The following ACTR6 variants were observed in gnomAD, a reference collection of about 807,000 sequenced individuals.
The protein encoded by ACTR6 is actin related protein 6.
A neutral mutation model predicts 52.5 loss-of-function variants in ACTR6; 50 were observed. That is an observed-to-expected ratio of 0.95 (90% confidence interval 0.76 to 1.20). The LOEUF (loss-of-function observed/expected upper bound fraction) is 1.20, where lower values mean the gene tolerates loss of function less well. Ranked by LOEUF, ACTR6 falls within the 50% of genes most tolerant of loss-of-function variation. The probability of loss-of-function intolerance (pLI) is 0.00; values close to 1 mark genes in which losing one functional copy is unlikely to be tolerated. For synonymous variants in ACTR6, 135 were observed against 147.2 expected (o/e 0.92, Z 0.60); for missense variants, 344 against 472.4 (o/e 0.73, Z 2.52).
rs553936981 is a variant in ACTR6, at chr12:100,202,517, G to A, written c.68+1598G>A. On this transcript the variant is annotated intron_variant, in intron 1 of 10. Transcript: ENST00000188312. ...TACAGTATTATCCCAGTGTCATCTC[G>A]TATACACATACAGACACATTTGTAT... Among the ~76,000 whole-genome samples, 5 of 151,916 alleles carry A rather than the reference G, an allele frequency of 3.3e-5. No homozygotes were observed. In the East Asian group the frequency reaches 7.7e-4, roughly 23 times the overall value.
intron 1 of ACTR6, among the ~76,000 whole-genome samples, chr12:100,201,620 T>G (rs1432969886): frequency 6.6e-6 from 1 of 152,204 alleles, no homozygotes; most frequent in African/African-American, 2.4e-5. Flanking sequence ...ATGTAAATTG[T>G]TACAATCTTT....
In ACTR6 at chr12:100,205,714, G is replaced by T; in HGVS notation, c.225G>T (p.Trp75Cys). 6.6e-7 allele frequency: 1 copy of T among 1,516,972 alleles called. No homozygotes were observed. 94.0% of individuals were successfully genotyped at this position (1,516,972 alleles called of 1,614,324 possible). Residue 75 changes from tryptophan to cysteine, a missense_variant, in exon 3 of 11, where the codon TGG (tryptophan) becomes TGT (cysteine). Trp to Cys is a radical substitution (Grantham distance 215). Coordinates refer to ENST00000188312, the MANE Select transcript of ACTR6 (RefSeq NM_022496.5). ...LVNWDVQRQV[W>C]DYLFGKEMYQ... ...ATTGGGATGTTCAGAGACAAGTTTG[G>T]GATTACCTTTTTGGAAAAGAAATGT...
At chr12:100,201,169 G>A in intron 1 of ACTR6, 1 of 997,602 alleles carries the variant, frequency 1.0e-6, no homozygotes, top group East Asian at 3.8e-5. Flanking sequence ...AATAGCCAAA[G>A]AAAATAGGCT....
At chr12:100,216,256 A>G (rs1466932307) in intron 8 of ACTR6, among the ~76,000 whole-genome samples, 5 of 152,222 alleles carry the variant, frequency 3.3e-5, no homozygotes, top group Non-Finnish European at 5.9e-5. Flanking sequence ...CTCAGGCTCA[A>G]GTGATCCTCC....
chr12:100,205,001 C>T lies in ACTR6; in HGVS notation c.130C>T (p.Gln44Ter), dbSNP rs369354926. ...ACGTCTTAAAACTTTTACTGCCAAC[C>T]AGATAGATGAAATAAAAGACCCTTC... is the stretch of plus-strand genomic sequence containing the variant. ...TARLKTFTAN[Q>*]IDEIKDPSGL... The change falls in exon 2 of 11, where the codon CAG (glutamine) becomes TAG (stop). Residue 44 changes from glutamine (Q) to a stop codon, truncating the protein, a stop_gained. Coordinates refer to ENST00000188312, the MANE Select transcript of ACTR6 (RefSeq NM_022496.5). LOFTEE classifies it high-confidence loss of function. 1.6e-5 allele frequency: 25 copies of T among 1,612,534 alleles called. No homozygotes were observed. Among genetic ancestry groups the T allele is most frequent in the Non-Finnish European group, 2.0e-5 (24 of 1,179,034 alleles).
chr12:100,207,052 C>G (rs1007863193), intron 3 of ACTR6, among the ~76,000 whole-genome samples: 3 of 151,744 alleles, frequency 2.0e-5, no homozygotes, highest in Non-Finnish European at 4.4e-5. Context: ...CTATAATTGT[C>G]TTTAAACAAT....
At chr12:100,223,648 G>T in intron 10 of ACTR6, 138 bp from the exon 11 acceptor site, 1 of 997,786 alleles carries the variant, frequency 1.0e-6, no homozygotes, top group Non-Finnish European at 1.5e-6. Flanking sequence ...ATTTTCTGTT[G>T]GGTTGGGTAG....
Position 100,207,698 on chromosome 12 carries a change from A to G in ACTR6, c.291A>G (p.Glu97=). The G allele has an allele frequency of 6.3e-7, 1 of 1,578,896 alleles. No homozygotes were observed. ...DFLDTNIIIT[E]PYFNFTSIQE... is the part of the protein sequence containing the mutation. ...TAGATACTAATATTATTATCACTGA[A>G]CCATACTTTAACTTCACTTCAATTC... Residue 97 remains glutamate (E), a synonymous_variant, in exon 4 of 11, where the codon GAA becomes GAG. Transcript: ENST00000188312.
chr12:100,223,772 A>T lies in ACTR6; in HGVS notation c.1062-14A>T. The T allele has an allele frequency of 6.3e-7, 1 of 1,598,092 alleles. No homozygotes were observed. Among genetic ancestry groups the T allele is most frequent in the Non-Finnish European group, 8.5e-7 (1 of 1,175,512 alleles). ...TGTAAAATCATCTGGGTTCATTTAT[A>T]CCTTTATTTTCAGCCCTATTACTTA... is the stretch of plus-strand genomic sequence containing the variant. On this transcript the variant is annotated splice_polypyrimidine_tract_variant and intron_variant, in intron 10 of 10. Transcript: ENST00000188312.
Position 100,200,857 on chromosome 12 carries a change from G to C in ACTR6, c.6G>C (p.Thr2=). Residue 2 remains threonine, a synonymous_variant, in exon 1 of 11, where the codon ACG becomes ACC. Coordinates refer to ENST00000188312, the MANE Select transcript of ACTR6 (RefSeq NM_022496.5). ...GCGGTGTGGTTGGTGGTGAGATGAC[G>C]ACCTTAGTGCTGGATAATGGAGCTT... The part of the protein sequence containing the change: M[T]TLVLDNGAYN... 15 of 1,614,134 alleles carry C rather than the reference G, an allele frequency of 9.3e-6. No individual in the cohort carries two copies. Among genetic ancestry groups the C allele is most frequent in the Non-Finnish European group, 1.3e-5 (15 of 1,180,002 alleles).
chr12:100,206,890 G>C (rs938229300), intron 3 of ACTR6, among the ~76,000 whole-genome samples: 5 of 149,430 alleles, frequency 3.3e-5, no homozygotes, highest in African/African-American at 9.9e-5. Flanking sequence ...GTGTTGGCCA[G>C]GCTGGTCTGG....
intron 9 of ACTR6, 116 bp from the exon 10 acceptor site, chr12:100,219,892 C>G (rs2096126730): frequency 9.9e-7 from 1 of 1,009,324 alleles, no homozygotes; most frequent in Non-Finnish European, 1.4e-6. Flanking sequence ...GGTTTCCCAC[C>G]AGTAACTGTA....
At position 100,210,127 on chromosome 12, in the gene ACTR6, G is replaced by T. The variant is rs1566293554; in HGVS notation, c.434G>T (p.Cys145Phe). Residue 145 changes from cysteine (C) to phenylalanine (F), a missense_variant, in exon 5 of 11, where the codon TGT becomes TTT. Coordinates refer to ENST00000188312, the MANE Select transcript of ACTR6 (RefSeq NM_022496.5). ...CGAGATAATCCTTCCGAATTATGCT[G>T]TATCATTGTTGATAGTGGATATTCC... ...YFRDNPSELC[C>F]IIVDSGYSFT... 6.2e-7 allele frequency: 1 copy of T among 1,611,160 alleles called. No individual in the cohort carries two copies. Among genetic ancestry groups the T allele is most frequent in the Non-Finnish European group, 8.5e-7 (1 of 1,178,772 alleles).
intron 1 of ACTR6, among the ~76,000 whole-genome samples, chr12:100,203,271 G>T (rs892501607): frequency 5.3e-5 from 8 of 152,068 alleles, no homozygotes; most frequent in African/African-American, 1.9e-4. Context: ...ATAGCATCTT[G>T]CTGATTGAAG....
Position 100,210,072 on chromosome 12 carries a change from G to T in ACTR6, c.380-1G>T. On this transcript the variant is annotated splice_acceptor_variant, in intron 4 of 10. Transcript: ENST00000188312. LOFTEE classifies it high-confidence loss of function. Reference sequence around the variant, plus strand: ...TCACTTTTTTATCTTTTTTTAAATAGCTGGGGCTCTCAGTGCACATAGGTA... The same window carrying T: ...TCACTTTTTTATCTTTTTTTAAATATCTGGGGCTCTCAGTGCACATAGGTA... 4 of 1,566,944 alleles carry T rather than the reference G, an allele frequency of 2.6e-6. No homozygotes were observed. Among genetic ancestry groups the T allele is most frequent in the South Asian group, 1.2e-5 (1 of 82,540 alleles).
intron 1 of ACTR6, 41 bp from the exon 2 acceptor site, chr12:100,204,898 AC>A (rs752882205): frequency 7.5e-7 from 1 of 1,331,098 alleles, no homozygotes; most frequent in South Asian, 1.2e-5. Flanking sequence ...GTTTTTAGGA[AC>A]TAAATATTTA....
At position 100,204,933 on chromosome 12, in the gene ACTR6, T is replaced by G; in HGVS notation, c.69-7T>G. On this transcript the variant is annotated splice_region_variant and splice_polypyrimidine_tract_variant and intron_variant, in intron 1 of 10. Coordinates refer to ENST00000188312, the MANE Select transcript of ACTR6 (RefSeq NM_022496.5). Reference sequence around the variant, plus strand: ...TAGGGGATAATTATTTGTTTCCTTGTTTCTAGGGTTATTCCTAATTGTCAG... The same window carrying G: ...TAGGGGATAATTATTTGTTTCCTTGGTTCTAGGGTTATTCCTAATTGTCAG... 6.4e-7 allele frequency: 1 copy of G among 1,566,432 alleles called. No individual in the cohort carries two copies. The highest frequency in any genetic ancestry group is 1.7e-4 in the Middle Eastern group (1 of 5,954).
chr12:100,213,227 T>C (rs140852620), intron 8 of ACTR6, among the ~76,000 whole-genome samples: 390 of 152,146 alleles, frequency 2.6e-3, no homozygotes, highest in African/African-American at 9.0e-3. Flanking sequence ...AGAGTTGCTG[T>C]GATTGCAGGC....
intron 8 of ACTR6, among the ~76,000 whole-genome samples, chr12:100,214,458 GT>G (rs2096122393): frequency 6.6e-6 from 1 of 151,678 alleles, no homozygotes; most frequent in Admixed American, 6.6e-5. Flanking sequence ...CCTTATGGCT[GT>G]GTGTGGTGGC....
Sources: allele counts gnomAD v4.1 joint callset (sites outside exome capture counted in the v4.1 genomes callset), GRCh38; gene constraint gnomAD v4.1.1; transcripts MANE v1.5; gene names NCBI Gene and HGNC (gene_info 2026-07-23, HGNC 2026-07-21).